PDE1A: variants seen among roughly 807,000 people sequenced by gnomAD.
PDE1A encodes phosphodiesterase 1A, also known as dual specificity calcium/calmodulin-dependent 3',5'-cyclic nucleotide phosphodiesterase 1A.
A neutral mutation model predicts 61.7 loss-of-function variants in PDE1A; 35 were observed. That is an observed-to-expected ratio of 0.57 (90% CI 0.43 to 0.75). The LOEUF (loss-of-function observed/expected upper bound fraction) is 0.75, where lower values mean the gene tolerates loss of function less well. Among genes scored for constraint, PDE1A ranks in the 30% least tolerant of loss-of-function variants. The probability of loss-of-function intolerance (pLI) is 0.00; values close to 1 mark genes in which losing one functional copy is unlikely to be tolerated. For synonymous variants in PDE1A, 232 were observed against 213.2 expected (o/e 1.09, Z -0.77); for missense variants, 597 against 630.6 (o/e 0.95, Z 0.57).
the PDE1A span, among the ~76,000 whole-genome samples, chr2:182,637,103 T>G: frequency 6.6e-6 from 1 of 152,368 alleles, no homozygotes; most frequent in South Asian, 2.1e-4. Context: ...ATCTTCCTAT[T>G]TTAATGTCTG....
intron 1 of PDE1A, among the ~76,000 whole-genome samples, chr2:182,342,977 G>A (rs961558508): frequency 4.6e-5 from 7 of 152,116 alleles, no homozygotes; most frequent in African/African-American, 7.2e-5. Flanking sequence ...ACATACATGC[G>A]TTCACATATG....
the PDE1A span, among the ~76,000 whole-genome samples, chr2:182,584,282 T>C: frequency 1.4e-5 from 2 of 143,928 alleles, no homozygotes; most frequent in Admixed American, 6.9e-5. Context: ...AGACTTCAAT[T>C]TGAATTCTAG....
rs74501348 is a variant in PDE1A, at chr2:182,502,137, T to C, written c.101+20139A>G. 4.3e-3 allele frequency among the ~76,000 whole-genome samples: 657 copies of C among 152,336 alleles called. 2 individuals are homozygous for C. Among genetic ancestry groups the C allele is most frequent in the African/African-American group, 0.015 (616 of 41,572 alleles). On this transcript the variant is annotated intron_variant, in intron 2 of 14. Coordinates refer to the PDE1A transcript ENST00000410103. Reference sequence around the variant, plus strand: ...AAATGCCTCTTCAAATAGCCTCTTCTTTAATTTCGCTGAGTAAATAAAAGT... The same window carrying C: ...AAATGCCTCTTCAAATAGCCTCTTCCTTAATTTCGCTGAGTAAATAAAAGT...
chr2:182,395,420 A>G (rs1701648505), intron 1 of PDE1A, among the ~76,000 whole-genome samples: 1 of 152,232 alleles, frequency 6.6e-6, no homozygotes, highest in Non-Finnish European at 1.5e-5. Flanking sequence ...GCCAGAGGAC[A>G]GGAAATAAAT....
chr2:182,203,319 G>GA (rs201836568), intron 8 of PDE1A, among the ~76,000 whole-genome samples: 4,784 of 132,516 alleles, frequency 0.036, 238 homozygotes, highest in African/African-American at 0.12. Context: ...GACTCCGTCT[G>GA]AAAAAAAAAC....
At chr2:182,287,282 A>G (rs982347385) in intron 1 of PDE1A, among the ~76,000 whole-genome samples, 4 of 152,136 alleles carry the variant, frequency 2.6e-5, no homozygotes, top group Non-Finnish European at 4.4e-5. Flanking sequence ...GCCCTCCCTG[A>G]CAACCCAGTC....
chr2:182,464,580 T>C (rs1313996766), intron 2 of PDE1A, among the ~76,000 whole-genome samples: 1 of 152,080 alleles, frequency 6.6e-6, no homozygotes, highest in East Asian at 1.9e-4. Flanking sequence ...AGCTGGATAG[T>C]AGTTAACATG....
At chr2:182,156,995 TA>T (rs1691120311) in intron 13 of PDE1A, among the ~76,000 whole-genome samples, 2 of 147,590 alleles carry the variant, frequency 1.4e-5, no homozygotes, top group Non-Finnish European at 3.0e-5. Context: ...TTATTATTAT[TA>T]TTATTTTATT....
intron 1 of PDE1A, among the ~76,000 whole-genome samples, chr2:182,306,297 G>C (rs1421307697): frequency 1.3e-5 from 2 of 152,100 alleles, no homozygotes; most frequent in East Asian, 3.8e-4. Flanking sequence ...GTGAACATGG[G>C]AGTGCAGATA....
intron 5 of PDE1A, 79 bp downstream of exon 5, chr2:182,230,936 T>C (rs1299341327): frequency 1.4e-6 from 1 of 729,420 alleles, no homozygotes; most frequent in African/African-American, 1.8e-5. Context: ...ATTGCTTAAT[T>C]ACTCAAATGT....
intron 2 of PDE1A, among the ~76,000 whole-genome samples, chr2:182,477,941 G>A (rs1047920412): frequency 2.0e-5 from 3 of 151,786 alleles, no homozygotes; most frequent in South Asian, 2.1e-4. Context: ...CAGGTGTGTA[G>A]GAAGAAAAGG....
At chr2:182,361,859 T>C (rs897039560) in intron 1 of PDE1A, among the ~76,000 whole-genome samples, 4 of 151,968 alleles carry the variant, frequency 2.6e-5, no homozygotes, top group African/African-American at 9.7e-5. Context: ...CCCTTGACTT[T>C]TCTAGATCCA....
At chr2:182,312,437 T>C (rs1696045530) in intron 1 of PDE1A, among the ~76,000 whole-genome samples, 2 of 152,220 alleles carry the variant, frequency 1.3e-5, no homozygotes, top group Admixed American at 6.5e-5. Context: ...TTTTAGGCTT[T>C]ACATTTAGAC....
At chr2:182,322,322 G>T (rs1286035252) in intron 1 of PDE1A, among the ~76,000 whole-genome samples, 1 of 152,116 alleles carries the variant, frequency 6.6e-6, no homozygotes, top group Admixed American at 6.5e-5. Flanking sequence ...ATCTCGAATT[G>T]TAGCTCCCAT....
intron 6 of PDE1A, among the ~76,000 whole-genome samples, chr2:182,225,326 A>T (rs1051760177): frequency 1.3e-5 from 2 of 151,886 alleles, no homozygotes; most frequent in African/African-American, 4.8e-5. Flanking sequence ...AGAATTGATG[A>T]ATTTAAATTT....
chr2:182,275,817 T>A (rs768849512), intron 1 of PDE1A, among the ~76,000 whole-genome samples: 3 of 152,144 alleles, frequency 2.0e-5, no homozygotes, highest in Non-Finnish European at 4.4e-5. Flanking sequence ...ACTTTCTAAA[T>A]GCTCTTTCAA....
chr2:182,383,773 G>A (rs182047680), intron 1 of PDE1A, among the ~76,000 whole-genome samples: 25 of 152,250 alleles, frequency 1.6e-4, no homozygotes, highest in African/African-American at 6.0e-4. Flanking sequence ...GGATGGGAAG[G>A]ACAATTTTAC....
intron 1 of PDE1A, among the ~76,000 whole-genome samples, chr2:182,357,029 T>C (rs369398840): frequency 4.6e-5 from 7 of 151,556 alleles, no homozygotes; most frequent in African/African-American, 1.5e-4. Context: ...CGGGACCTGT[T>C]GTGGGGTGTG....
chr2:182,476,308 T>A (rs888190230), intron 2 of PDE1A, among the ~76,000 whole-genome samples: 4 of 151,788 alleles, frequency 2.6e-5, no homozygotes, highest in Admixed American at 2.0e-4. Context: ...CTATTCAATA[T>A]GACAAAACCC....
Sources: gnomAD v4.1 joint callset for allele counts (sites outside exome capture counted in the v4.1 genomes callset) on GRCh38, gnomAD v4.1.1 for gene constraint, MANE v1.5 for transcripts, NCBI Gene and HGNC (gene_info 2026-07-23, HGNC 2026-07-21) for gene names.